The following RFX7 variants were observed in gnomAD, a reference collection of about 807,000 sequenced individuals.
The protein encoded by RFX7 is DNA-binding protein RFX7.
A neutral mutation model predicts 111.8 loss-of-function variants in RFX7; 26 were observed. The observed-to-expected ratio is 0.23, with a 90% CI of 0.17 to 0.32. The LOEUF is 0.32. Ranked by LOEUF, RFX7 falls within the 10% of genes least tolerant of loss-of-function variation. The pLI, the probability that RFX7 is intolerant of heterozygous loss-of-function variation, is 1.00. For missense variants in RFX7, 1,573 were observed against 1,772.9 expected (o/e 0.89, Z 2.02); for synonymous variants, 624 against 624.4 (o/e 1.00, Z 0.01).
At chr15:56,117,248 C>T (rs535516132) in intron 5 of RFX7, among the ~76,000 whole-genome samples, 7 of 152,034 alleles carry the variant, frequency 4.6e-5, no homozygotes, top group African/African-American at 1.4e-4. Flanking sequence ...TAATATTATA[C>T]GGAGAAAGGA....
intron 5 of RFX7, among the ~76,000 whole-genome samples, chr15:56,126,484 T>G (rs1248634381): frequency 6.6e-6 from 1 of 152,184 alleles, no homozygotes; most frequent in Non-Finnish European, 1.5e-5. Context: ...GGACCCCACC[T>G]GATACAGAGG....
intron 2 of RFX7, among the ~76,000 whole-genome samples, chr15:56,234,912 A>C (rs557026354): frequency 6.6e-6 from 1 of 152,302 alleles, no homozygotes; most frequent in East Asian, 1.9e-4. Context: ...AGGCCAGTCT[A>C]AACTACTGAA....
At chr15:56,103,934 G>A (rs17238607) in intron 5 of RFX7, among the ~76,000 whole-genome samples, 10,348 of 152,128 alleles carry the variant, frequency 0.068, 451 homozygotes, top group Non-Finnish European at 0.1. Context: ...CAAAGTTTTC[G>A]AATTACAATC....
intron 2 of RFX7, among the ~76,000 whole-genome samples, chr15:56,194,761 A>G (rs1233223298): frequency 6.6e-6 from 1 of 152,156 alleles, no homozygotes; most frequent in African/African-American, 2.4e-5. Context: ...CTTAAAAATA[A>G]TGGATTCTGT....
At position 56,239,667 on chromosome 15, in the gene RFX7, G is replaced by C. The variant is rs893080208; in HGVS notation, c.161+3458C>G. 2.0e-5 allele frequency among the ~76,000 whole-genome samples: 3 copies of C among 152,144 alleles called. No individual in the cohort carries two copies. In the South Asian group the frequency reaches 6.2e-4, roughly 32 times the overall value. On this transcript the variant is annotated intron_variant, in intron 2 of 9. Coordinates refer to ENST00000559447, the MANE Select transcript of RFX7 (RefSeq NM_022841.7). ...ACGTTTGGGATTTTGGAGTGTTTCA[G>C]ATTCTGGAGCATCTTGAATTCTGGG...
intron 2 of RFX7, among the ~76,000 whole-genome samples, chr15:56,209,797 C>T (rs1327578120): frequency 2.7e-5 from 4 of 149,844 alleles, no homozygotes; most frequent in African/African-American, 9.8e-5. Context: ...AGGGCAAACA[C>T]TAAAAAACGC....
At chr15:56,183,556 G>A (rs1324812295) in intron 2 of RFX7, among the ~76,000 whole-genome samples, 1 of 152,006 alleles carries the variant, frequency 6.6e-6, no homozygotes, top group Non-Finnish European at 1.5e-5. Flanking sequence ...GGCCTTTTCT[G>A]TTTTATTATT....
At chr15:56,116,290 G>C (rs1407819950) in intron 5 of RFX7, among the ~76,000 whole-genome samples, 1 of 152,164 alleles carries the variant, frequency 6.6e-6, no homozygotes, top group Non-Finnish European at 1.5e-5. Flanking sequence ...AGGTAAAGAT[G>C]GTTTGTAAAA....
rs190336057 is a variant in RFX7, at chr15:56,157,160, C to T, written c.196-12677G>A. On this transcript the variant is annotated intron_variant, in intron 3 of 9. Coordinates refer to ENST00000559447, the MANE Select transcript of RFX7 (RefSeq NM_022841.7). The stretch of plus-strand genomic sequence containing the variant: ...GCTAATATCTTCTCCTAGTTGTAGC[C>T]TGTCTATTCACTTTGTTTTTGAAGT... Among the ~76,000 whole-genome samples the T allele has an allele frequency of 6.6e-5, 10 of 152,286 alleles. No individual in the cohort carries two copies. In the East Asian group the frequency reaches 1.9e-3, roughly 29 times the overall value.
intron 2 of RFX7, among the ~76,000 whole-genome samples, chr15:56,224,179 T>C (rs1055416923): frequency 5.9e-5 from 9 of 151,978 alleles, no homozygotes; most frequent in African/African-American, 2.2e-4. Flanking sequence ...TTTTGTAAAA[T>C]GAACGGTGCC....
At chr15:56,163,591 C>T (rs560074465) in intron 3 of RFX7, among the ~76,000 whole-genome samples, 3 of 152,018 alleles carry the variant, frequency 2.0e-5, no homozygotes, top group East Asian at 1.9e-4. Context: ...TGATGATAAA[C>T]GCTATGAAGA....
At chr15:56,198,396 T>C (rs1206610471) in intron 2 of RFX7, among the ~76,000 whole-genome samples, 1 of 152,170 alleles carries the variant, frequency 6.6e-6, no homozygotes, top group Non-Finnish European at 1.5e-5. Flanking sequence ...AGGAAATATG[T>C]TCCATTAGAG....
chr15:56,094,131 T>C lies in RFX7; in HGVS notation c.3597A>G (p.Pro1199=). The C allele has an allele frequency of 6.2e-7, 1 of 1,614,028 alleles. No individual in the cohort carries two copies. Among genetic ancestry groups the C allele is most frequent in the Non-Finnish European group, 8.5e-7 (1 of 1,179,890 alleles). The change falls in exon 10 of 10, where the codon CCA becomes CCG. Residue 1199 remains proline (P), a synonymous_variant. Transcript: ENST00000559447. The part of the protein sequence containing the change: ...PRSNVTPFGS[P]VTPEVHVFTN... ...TGAAAACATGAACTTCTGGGGTAAC[T>C]GGACTTCCAAAGGGGGTCACATTAG...
intron 2 of RFX7, 78 bp downstream of exon 2, chr15:56,243,047 C>A (rs1267648749): frequency 3.2e-6 from 2 of 630,476 alleles, no homozygotes; most frequent in East Asian, 6.5e-5. Context: ...TCCGCTCCCC[C>A]CGCCCGCCGC....
At position 56,169,203 on chromosome 15, in the gene RFX7, T is replaced by A. The variant is rs1263358692; in HGVS notation, c.195+10067A>T. 3.9e-5 allele frequency among the ~76,000 whole-genome samples: 6 copies of A among 152,286 alleles called. No homozygotes were observed. The East Asian group carries it at 1.2e-3, about 29-fold the overall frequency. Reference sequence around the variant, plus strand: ...CTGGAGAGGGAGGGAGCATGAAGTGTTCTACAGTAAGCACCTTCCAGTTTC... The same window carrying A: ...CTGGAGAGGGAGGGAGCATGAAGTGATCTACAGTAAGCACCTTCCAGTTTC... On this transcript the variant is annotated intron_variant, in intron 3 of 9. Coordinates refer to ENST00000559447, the MANE Select transcript of RFX7 (RefSeq NM_022841.7).
intron 2 of RFX7, among the ~76,000 whole-genome samples, chr15:56,207,889 A>T (rs185586281): frequency 9.1e-4 from 139 of 152,294 alleles, no homozygotes; most frequent in African/African-American, 3.3e-3. Flanking sequence ...CCAATAGGAA[A>T]ATGCAGAGAA....
rs760023159 is a variant in RFX7, at chr15:56,243,177, G to C, written c.109C>G (p.Leu37Val). 1.5e-6 allele frequency: 2 copies of C among 1,355,900 alleles called. No individual in the cohort carries two copies. Among genetic ancestry groups the C allele is most frequent in the Non-Finnish European group, 2.0e-6 (2 of 1,017,020 alleles). 84.0% of individuals were successfully genotyped at this position (1,355,900 alleles called of 1,614,324 possible). A position where few individuals can be genotyped will look rare whatever the true frequency, so the allele number is the denominator to read the frequency against. ...GVALPALVPG[L>V]PGTEASALQH... ...AGCGCGCTGGCCTCTGTCCCTGGCA[G>C]CCCGGGCACAAGGGCTGGCAGGGCC... Residue 37 changes from leucine (L) to valine (V), a missense_variant, in exon 2 of 10, where the codon CTG becomes GTG. Physicochemically the swap from Leu to Val is conservative, Grantham distance 32. Transcript: ENST00000559447.
chr15:56,113,802 C>T (rs1304420999), intron 5 of RFX7, among the ~76,000 whole-genome samples: 3 of 151,890 alleles, frequency 2.0e-5, no homozygotes, highest in Non-Finnish European at 4.4e-5. Context: ...CTTACCTAGA[C>T]CCATAATGTT....
intron 3 of RFX7, among the ~76,000 whole-genome samples, chr15:56,171,042 G>C (rs546432470): frequency 6.6e-6 from 1 of 152,168 alleles, no homozygotes; most frequent in South Asian, 2.1e-4. Context: ...TGTGGAGAAC[G>C]AATGTGGAAA....
Sources: gnomAD v4.1 joint callset for allele counts (sites outside exome capture counted in the v4.1 genomes callset) on GRCh38, gnomAD v4.1.1 for gene constraint, MANE v1.5 for transcripts, NCBI Gene and HGNC (gene_info 2026-07-23, HGNC 2026-07-21) for gene names.